The following SRF variants were observed in gnomAD, a reference collection of about 807,000 sequenced individuals.
SRF encodes c-fos serum response element-binding transcription factor.
In SRF, 7 loss-of-function variants were observed where a neutral mutation model predicts 37.1. That is an observed-to-expected ratio of 0.19 (90% CI 0.11 to 0.35). The LOEUF is 0.35. SRF is among the 10% of genes least tolerant of loss of function. The probability of loss-of-function intolerance (pLI) is 1.00; values close to 1 mark genes in which losing one functional copy is unlikely to be tolerated. For synonymous variants in SRF, 285 were observed against 310.1 expected (o/e 0.92, Z 0.85); for missense variants, 395 against 694.4 (o/e 0.57, Z 4.85).
chr6:43,176,746 C>G lies in SRF; in HGVS notation c.1162+79C>G, dbSNP rs969644689. ...GCAGTAGGTGCCCAACAGTAACCCT[C>G]CTGTAACTAAAGTCAGGGGATTTCT... On this transcript the variant is annotated intron_variant, in intron 4 of 6. Transcript: ENST00000265354. This position sits in a 1 kb window ranked among gnomAD's most constrained non-coding sequence, Gnocchi z 4.0. The G allele has an allele frequency of 5.2e-6, 8 of 1,529,758 alleles. No homozygotes were observed. In the Admixed American group the frequency reaches 9.6e-5, roughly 18 times the overall value. The allele number at this position is 1,529,758 out of a possible 1,614,324, so 94.8% of individuals were successfully genotyped here.
In SRF at chr6:43,171,873, G is replaced by A. The variant is rs1425198435; in HGVS notation, c.217G>A (p.Gly73Arg). 26 of 1,342,638 alleles carry A rather than the reference G, an allele frequency of 1.9e-5. No homozygotes were observed. Among genetic ancestry groups the A allele is most frequent in the Non-Finnish European group, 2.2e-5 (23 of 1,049,642 alleles). The allele number at this position is 1,342,638 out of a possible 1,614,324, so 83.2% of individuals were successfully genotyped here. A position where few individuals can be genotyped will look rare whatever the true frequency, so the allele number is the denominator to read the frequency against. The change falls in exon 1 of 7, where the codon GGG (glycine) becomes AGG (arginine). Residue 73 changes from glycine to arginine, a missense_variant. Physicochemically the swap from Gly to Arg is moderately radical, Grantham distance 125. Transcript: ENST00000265354. This position sits in a 1 kb window ranked among gnomAD's most constrained non-coding sequence, Gnocchi z 6.5. Reference sequence around the variant, plus strand: ...GGCAACCACCCCGGCGCCCACCGCGGGGGCCCTCTACAGCGGCAGCGAGGG... The same window carrying A: ...GGCAACCACCCCGGCGCCCACCGCGAGGGCCCTCTACAGCGGCAGCGAGGG... ...AAATTPAPTA[G>R]ALYSGSEGDS...
intron 2 of SRF, 66 bp from the exon 3 acceptor site, chr6:43,175,640 A>G: frequency 6.3e-7 from 1 of 1,598,266 alleles, no homozygotes; most frequent in Non-Finnish European, 8.6e-7. Context: ...TTCTCAGTCC[A>G]CACAAAGCTT....
Position 43,172,297 on chromosome 6 carries a change from G to C in SRF, c.513+128G>C. On this transcript the variant is annotated intron_variant, in intron 1 of 6. Coordinates refer to ENST00000265354, the MANE Select transcript of SRF (RefSeq NM_003131.4). This position sits in a 1 kb window ranked among gnomAD's most constrained non-coding sequence, Gnocchi z 5.7. ...CGAGTCCGCAGGAGGTGTGTGGGAG[G>C]GGATGGCTCCTGCCCGGGGAGGGCC... The C allele has an allele frequency of 4.1e-6, 6 of 1,448,992 alleles. No homozygotes were observed. Among genetic ancestry groups the C allele is most frequent in the Non-Finnish European group, 5.4e-6 (6 of 1,103,236 alleles). The allele number at this position is 1,448,992 out of a possible 1,614,324, so 89.8% of individuals were successfully genotyped here.
In SRF at chr6:43,179,034, C is replaced by T. The variant is rs2150497981; in HGVS notation, c.1432-61C>T. On this transcript the variant is annotated intron_variant, in intron 6 of 6. Transcript: ENST00000265354. The surrounding 1 kb of genome is among the most constrained non-coding windows in gnomAD (Gnocchi z 5.3). ...GCCTGTGGTTGGCAGGCAGGGAAGC[C>T]AGGGGAGCCTGAACTGGCTGGCCAG... is the stretch of plus-strand genomic sequence containing the variant. 3 of 1,598,934 alleles carry T rather than the reference C, an allele frequency of 1.9e-6. No homozygotes were observed. The South Asian group carries it at 3.3e-5, about 18-fold the overall frequency.
chr6:43,171,466 CAG>C lies in SRF; in HGVS notation c.-190_-189del. 2 of 499,702 alleles carry C rather than the reference CAG, an allele frequency of 4.0e-6. No homozygotes were observed. The highest frequency in any genetic ancestry group is 2.9e-6 in the Non-Finnish European group (1 of 343,704). 31.0% of individuals were successfully genotyped at this position (499,702 alleles called of 1,614,324 possible). On this transcript the variant is annotated 5_prime_UTR_variant, in exon 1 of 7. Transcript: ENST00000265354. The surrounding 1 kb of genome is among the most constrained non-coding windows in gnomAD (Gnocchi z 6.5). ...GCGCGGCCTGGGGCAACCCGGGCCA[CAG>C]GGGCAGGAAAGTGAGGGCCCAGGTC... is the stretch of plus-strand genomic sequence containing the variant.
At position 43,171,927 on chromosome 6, in the gene SRF, C is replaced by G. The variant is rs1452258462; in HGVS notation, c.271C>G (p.Leu91Val). The change falls in exon 1 of 7, where the codon CTG (leucine) becomes GTG (valine). Residue 91 changes from leucine to valine, a missense_variant. Leu to Val is a conservative substitution (Grantham distance 32). Coordinates refer to ENST00000265354, the MANE Select transcript of SRF (RefSeq NM_003131.4). The surrounding 1 kb of genome is among the most constrained non-coding windows in gnomAD (Gnocchi z 6.5). ...GDSESGEEEE[L>V]GAERRGLKRS... ...CTCGGAGTCGGGCGAGGAGGAGGAG[C>G]TGGGCGCCGAGCGGCGCGGCCTGAA... 6 of 1,468,252 alleles carry G rather than the reference C, an allele frequency of 4.1e-6. No individual in the cohort carries two copies. The Admixed American group carries it at 1.5e-4, about 37-fold the overall frequency. 91.0% of individuals were successfully genotyped at this position (1,468,252 alleles called of 1,614,324 possible). A position where few individuals can be genotyped will look rare whatever the true frequency, so the allele number is the denominator to read the frequency against.
Position 43,178,669 on chromosome 6 carries a change from TCAGA to T in SRF, c.1355-134_1355-131del. 8.2e-7 allele frequency: 1 copy of T among 1,224,550 alleles called. No homozygotes were observed. Among genetic ancestry groups the T allele is most frequent in the Non-Finnish European group, 1.2e-6 (1 of 843,456 alleles). The allele number at this position is 1,224,550 out of a possible 1,614,324, so 75.9% of individuals were successfully genotyped here. A position where few individuals can be genotyped will look rare whatever the true frequency, so the allele number is the denominator to read the frequency against. On this transcript the variant is annotated intron_variant, in intron 5 of 6. Transcript: ENST00000265354. This position sits in a 1 kb window ranked among gnomAD's most constrained non-coding sequence, Gnocchi z 4.3. ...TGGACACTCACACCCGCATGCACCC[TCAGA>T]CACACTGGCACCCTTTCCCTTGGGC...
rs1772309105 is a variant in SRF, at chr6:43,180,732, A to G, written c.*1542A>G. 6.6e-6 allele frequency: 1 copy of G among 152,456 alleles called. No homozygotes were observed. Among genetic ancestry groups the G allele is most frequent in the Non-Finnish European group, 1.5e-5 (1 of 68,034 alleles). 9.4% of individuals were successfully genotyped at this position (152,456 alleles called of 1,614,324 possible). A position where few individuals can be genotyped will look rare whatever the true frequency, so the allele number is the denominator to read the frequency against. ...CCAGAAGGGGAGCTTTTTCAGAAAC[A>G]GGGCAGCAGTGGGGTGAAATTTTCT... On this transcript the variant is annotated 3_prime_UTR_variant, in exon 7 of 7. Transcript: ENST00000265354.
At chr6:43,174,793 T>A (rs1772168368) in intron 2 of SRF, among the ~76,000 whole-genome samples, 1 of 152,198 alleles carries the variant, frequency 6.6e-6, no homozygotes, top group South Asian at 2.1e-4. Flanking sequence ...TGGGCCCAGC[T>A]GCTTTGCAAA....
At position 43,172,473 on chromosome 6, in the gene SRF, C is replaced by T. The variant is rs1772127376; in HGVS notation, c.513+304C>T. On this transcript the variant is annotated intron_variant, in intron 1 of 6. Transcript: ENST00000265354. This position sits in a 1 kb window ranked among gnomAD's most constrained non-coding sequence, Gnocchi z 5.7. ...AGGGGTGAGGAGCGGTGATGGGAGG[C>T]TACGAGGCTGCCGGGGAGGTGGATA... 2 of 985,012 alleles carry T rather than the reference C, an allele frequency of 2.0e-6. No individual in the cohort carries two copies. Among genetic ancestry groups the T allele is most frequent in the African/African-American group, 1.7e-5 (1 of 57,192 alleles). 61.0% of individuals were successfully genotyped at this position (985,012 alleles called of 1,614,324 possible). A position where few individuals can be genotyped will look rare whatever the true frequency, so the allele number is the denominator to read the frequency against.
Position 43,178,060 on chromosome 6 carries a change from A to T in SRF, c.1163-234A>T, listed in dbSNP as rs944998566. On this transcript the variant is annotated intron_variant, in intron 4 of 6. Coordinates refer to ENST00000265354, the MANE Select transcript of SRF (RefSeq NM_003131.4). This position sits in a 1 kb window ranked among gnomAD's most constrained non-coding sequence, Gnocchi z 4.3. ...AGATTTAGGACTTAGAGAATTCAGT[A>T]GATAGACAATTGAATAAATAGTACA... 3.9e-5 allele frequency among the ~76,000 whole-genome samples: 6 copies of T among 152,206 alleles called. No homozygotes were observed. The highest frequency in any genetic ancestry group is 8.8e-5 in the Non-Finnish European group (6 of 68,042).
At position 43,171,385 on chromosome 6, in the gene SRF, G is replaced by GT; in HGVS notation, c.-272_-271insT. On this transcript the variant is annotated 5_prime_UTR_variant, in exon 1 of 7. It removes the in-frame stop codon of an upstream open reading frame in the 5' UTR. Coordinates refer to ENST00000265354, the MANE Select transcript of SRF (RefSeq NM_003131.4). This position sits in a 1 kb window ranked among gnomAD's most constrained non-coding sequence, Gnocchi z 6.5. ...CGCGGCCAGCAGCCCCTGCCCCCCG[G>GT]GGGACGCTGACGGCCGCCCGGCGCG... The GT allele has an allele frequency of 4.5e-6, 1 of 224,040 alleles. No individual in the cohort carries two copies. Among genetic ancestry groups the GT allele is most frequent in the Non-Finnish European group, 8.6e-6 (1 of 116,654 alleles). The allele number at this position is 224,040 out of a possible 1,614,324, so 13.9% of individuals were successfully genotyped here. A position where few individuals can be genotyped will look rare whatever the true frequency, so the allele number is the denominator to read the frequency against.
chr6:43,179,266 C>T lies in SRF; in HGVS notation c.*76C>T. ...TTGTTGCCTTTTCACGTTTTCTTTA[C>T]ACACACGTTGACGGGCCGCAGGAGG... On this transcript the variant is annotated 3_prime_UTR_variant, in exon 7 of 7. Transcript: ENST00000265354. The surrounding 1 kb of genome is among the most constrained non-coding windows in gnomAD (Gnocchi z 5.3). The T allele has an allele frequency of 6.6e-7, 1 of 1,517,910 alleles. No individual in the cohort carries two copies. Among genetic ancestry groups the T allele is most frequent in the African/African-American group, 1.4e-5 (1 of 73,270 alleles). The allele number at this position is 1,517,910 out of a possible 1,614,324, so 94.0% of individuals were successfully genotyped here.
At chr6:43,174,237 A>C (rs1163885751) in intron 2 of SRF, 124 bp downstream of exon 2, 2 of 1,269,510 alleles carry the variant, frequency 1.6e-6, no homozygotes, top group Non-Finnish European at 2.2e-6. Flanking sequence ...CCCTCGTCCT[A>C]GGGGACAGGT....
In SRF at chr6:43,174,304, G is replaced by C. The variant is rs577521400; in HGVS notation, c.780+191G>C. On this transcript the variant is annotated intron_variant, in intron 2 of 6. Transcript: ENST00000265354. ...CCCCCTAGATAAGCGGGCGGCCTCC[G>C]TGCCCATATAAGGCCGGCTTGGGCT... is the stretch of plus-strand genomic sequence containing the variant. Among the ~76,000 whole-genome samples the C allele has an allele frequency of 2.6e-5, 4 of 152,264 alleles. No homozygotes were observed. In the South Asian group the frequency reaches 8.3e-4, roughly 32 times the overall value.
In SRF at chr6:43,172,757, C is replaced by G. The variant is rs1342477741; in HGVS notation, c.513+588C>G. On this transcript the variant is annotated intron_variant, in intron 1 of 6. Coordinates refer to ENST00000265354, the MANE Select transcript of SRF (RefSeq NM_003131.4). This position sits in a 1 kb window ranked among gnomAD's most constrained non-coding sequence, Gnocchi z 5.7. ...AGCAGGAACCTAGTCCTGCGCCGGC[C>G]GTGAGTCTTCCATGGCATCCACTGG... Among the ~76,000 whole-genome samples, 1 of 152,106 alleles carries G rather than the reference C, an allele frequency of 6.6e-6. No individual in the cohort carries two copies. The highest frequency in any genetic ancestry group is 2.4e-5 in the African/African-American group (1 of 41,416).
chr6:43,171,605 G>T lies in SRF; in HGVS notation c.-52G>T. On this transcript the variant is annotated 5_prime_UTR_variant, in exon 1 of 7. Coordinates refer to ENST00000265354, the MANE Select transcript of SRF (RefSeq NM_003131.4). The surrounding 1 kb of genome is among the most constrained non-coding windows in gnomAD (Gnocchi z 6.5). ...CCGGGAAGCCGATGGCGGCGGCTGC[G>T]GCGGCTCCGATTCCTCGCTGACTGC... is the stretch of plus-strand genomic sequence containing the variant. The T allele has an allele frequency of 1.7e-6, 2 of 1,183,948 alleles. No homozygotes were observed. The highest frequency in any genetic ancestry group is 2.1e-6 in the Non-Finnish European group (2 of 955,562). 73.3% of individuals were successfully genotyped at this position (1,183,948 alleles called of 1,614,324 possible).
Position 43,171,839 on chromosome 6 carries a change from G to A in SRF, c.183G>A (p.Ala61=). 1 of 1,260,180 alleles carries A rather than the reference G, an allele frequency of 7.9e-7. No individual in the cohort carries two copies. The highest frequency in any genetic ancestry group is 1.0e-6 in the Non-Finnish European group (1 of 1,004,490). The allele number at this position is 1,260,180 out of a possible 1,614,324, so 78.1% of individuals were successfully genotyped here. ...CCGGCCGCCTGGAGCGGGAGGCTGCGGCAGCGGCGGCAACCACCCCGGCGC... is the reference window on the plus strand; with the variant it reads ...CCGGCCGCCTGGAGCGGGAGGCTGCAGCAGCGGCGGCAACCACCCCGGCGC... ...LGPGRLEREA[A]AAAATTPAPT... Residue 61 remains alanine, a synonymous_variant, in exon 1 of 7, where the codon GCG becomes GCA. Coordinates refer to ENST00000265354, the MANE Select transcript of SRF (RefSeq NM_003131.4). The surrounding 1 kb of genome is among the most constrained non-coding windows in gnomAD (Gnocchi z 6.5).
rs137942943 is a variant in SRF, at chr6:43,176,017, G to A, written c.1042+50G>A. The A allele has an allele frequency of 9.4e-6, 15 of 1,593,394 alleles. No individual in the cohort carries two copies. Among genetic ancestry groups the A allele is most frequent in the Admixed American group, 5.0e-5 (3 of 59,610 alleles). ...ATTCGTCCTTCCTGGGGCAAATCAA[G>A]CATGCTAAGAGTGTGTTTAGGGCTG... On this transcript the variant is annotated intron_variant, in intron 3 of 6. Coordinates refer to ENST00000265354, the MANE Select transcript of SRF (RefSeq NM_003131.4). The surrounding 1 kb of genome is among the most constrained non-coding windows in gnomAD (Gnocchi z 4.0).
Sources: gnomAD v4.1 joint callset for allele counts (sites outside exome capture counted in the v4.1 genomes callset) on GRCh38, gnomAD v4.1.1 for gene constraint, Gnocchi (gnomAD v3.1) non-coding constraint, MANE v1.5 for transcripts, NCBI Gene and HGNC (gene_info 2026-07-23, HGNC 2026-07-21) for gene names.